ANTXR1: variants seen among roughly 807,000 people sequenced by gnomAD.
ANTXR1 encodes ANTXR cell adhesion molecule 1.
A neutral mutation model predicts 78.1 loss-of-function variants in ANTXR1; 19 were observed. The ratio of observed to expected loss-of-function variants is 0.24; its 90% CI spans 0.17 to 0.36. The LOEUF (loss-of-function observed/expected upper bound fraction) is 0.36. Ranked by LOEUF, ANTXR1 falls within the 10% of genes least tolerant of loss-of-function variation. The probability of loss-of-function intolerance (pLI) is 1.00; values close to 1 mark genes in which losing one functional copy is unlikely to be tolerated. For missense variants in ANTXR1, 518 were observed against 718.6 expected, an observed-to-expected ratio of 0.72 and a Z score of 3.19; for synonymous variants, 273 against 260.5, an observed-to-expected ratio of 1.05 and a Z score of -0.46.
chr2:69,248,261 T>C lies in ANTXR1; in HGVS notation c.*2776T>C. 6.0e-6 allele frequency: 1 copy of C among 167,102 alleles called. No homozygotes were observed. 10.4% of individuals were successfully genotyped at this position (167,102 alleles called of 1,614,324 possible). A position where few individuals can be genotyped will look rare whatever the true frequency, so the allele number is the denominator to read the frequency against. The stretch of plus-strand genomic sequence containing the variant: ...TTGTGTTGTATATATTCGTATTCCA[T>C]GTGTTAGATGGAAGCATTTCCTATC... On this transcript the variant is annotated 3_prime_UTR_variant, in exon 18 of 18. Coordinates refer to ENST00000303714, the MANE Select transcript of ANTXR1 (RefSeq NM_032208.3).
chr2:69,018,611 G>A (rs892725740), intron 1 of ANTXR1, among the ~76,000 whole-genome samples: 8 of 152,180 alleles, frequency 5.3e-5, no homozygotes. Context: ...TTGTTTGGTA[G>A]GTAGGGCGAA....
intron 16 of ANTXR1, chr2:69,182,976 A>G (rs985582884): frequency 7.3e-6 from 2 of 275,752 alleles, no homozygotes; most frequent in Admixed American, 5.9e-5. Flanking sequence ...GAAGTGTTCC[A>G]TATTAAAAAA....
At chr2:69,237,563 G>T (rs529560068) in intron 17 of ANTXR1, among the ~76,000 whole-genome samples, 1 of 152,282 alleles carries the variant, frequency 6.6e-6, no homozygotes, top group African/African-American at 2.4e-5. Flanking sequence ...AGTAGCTAGG[G>T]CTAAAGGCAC....
chr2:69,075,564 T>C (rs1466399001), intron 6 of ANTXR1, 26 bp from the exon 7 acceptor site: 8 of 1,612,498 alleles, frequency 5.0e-6, no homozygotes, highest in Non-Finnish European at 6.8e-6. Context: ...CTTCTCTTTC[T>C]AATGTCCTTT....
At chr2:69,158,196 T>C (rs973554473) in intron 13 of ANTXR1, among the ~76,000 whole-genome samples, 1 of 152,174 alleles carries the variant, frequency 6.6e-6, no homozygotes, top group Non-Finnish European at 1.5e-5. Context: ...CAAAGTTCAT[T>C]AGCAGCCAAG....
intron 10 of ANTXR1, among the ~76,000 whole-genome samples, chr2:69,109,299 A>G (rs575601548): frequency 6.6e-6 from 1 of 152,344 alleles, no homozygotes; most frequent in East Asian, 1.9e-4. Context: ...AAAGATATCA[A>G]TTGTCTTCAT....
chr2:69,146,342 G>A (rs1455046883), intron 12 of ANTXR1: 1 of 985,222 alleles, frequency 1.0e-6, no homozygotes, highest in African/African-American at 1.7e-5. Context: ...TAAAATTAAA[G>A]GCCATGTTGA....
rs117012773 is a variant in ANTXR1 at position 69,241,604 on chromosome 2, C to G, written c.1435-3621C>G. Reference sequence around the variant, plus strand: ...GAGAACAAACATAAGAGTGCAGGCTCTAGGGGCTGCTTTGTTTTTCCCTAC... The same window carrying G: ...GAGAACAAACATAAGAGTGCAGGCTGTAGGGGCTGCTTTGTTTTTCCCTAC... On this transcript the variant is annotated intron_variant, in intron 17 of 17. Transcript: ENST00000303714. 8.3e-4 allele frequency among the ~76,000 whole-genome samples: 127 copies of G among 152,258 alleles called. 1 individual carries two copies. In the East Asian group the frequency reaches 0.021, roughly 25 times the overall value.
intron 13 of ANTXR1, among the ~76,000 whole-genome samples, chr2:69,155,047 G>A (rs1418049190): frequency 1.3e-5 from 2 of 152,166 alleles, no homozygotes; most frequent in Non-Finnish European, 2.9e-5. Flanking sequence ...GTCCTGTCTG[G>A]AAGAAGAAAC....
At chr2:69,081,985 G>A (rs62135634) in intron 8 of ANTXR1, among the ~76,000 whole-genome samples, 18,667 of 152,218 alleles carry the variant, frequency 0.12, 1,274 homozygotes, top group East Asian at 0.21. Flanking sequence ...TAGTGATCCC[G>A]AATAGACTCA....
At chr2:69,227,122 T>C (rs1195780785) in intron 17 of ANTXR1, among the ~76,000 whole-genome samples, 1 of 152,244 alleles carries the variant, frequency 6.6e-6, no homozygotes, top group Non-Finnish European at 1.5e-5. Flanking sequence ...TGAGGTTGGA[T>C]AACTTCATGC....
chr2:69,090,251 A>G (rs1478518086), intron 8 of ANTXR1, among the ~76,000 whole-genome samples: 3 of 150,568 alleles, frequency 2.0e-5, no homozygotes, highest in Non-Finnish European at 4.4e-5. Flanking sequence ...ATCTAGTATC[A>G]CTCTCTTATT....
At chr2:69,024,024 T>A (rs1273773808) in intron 1 of ANTXR1, among the ~76,000 whole-genome samples, 3 of 152,252 alleles carry the variant, frequency 2.0e-5, no homozygotes, top group African/African-American at 4.8e-5. Context: ...GTCAAGCTTA[T>A]GTATGTGTTT....
chr2:69,245,497 C>G lies in ANTXR1; in HGVS notation c.*12C>G, dbSNP rs1676001918. On this transcript the variant is annotated 3_prime_UTR_variant, in exon 18 of 18. Coordinates refer to ENST00000303714, the MANE Select transcript of ANTXR1 (RefSeq NM_032208.3). ...GGCCTTCTGTCTAGAGCCCAAAGTTCCTGCTCTGGGCTCTCTCAGAAACTT... is the reference window on the plus strand; with the variant it reads ...GGCCTTCTGTCTAGAGCCCAAAGTTGCTGCTCTGGGCTCTCTCAGAAACTT... 6.2e-7 allele frequency: 1 copy of G among 1,612,684 alleles called. No homozygotes were observed. The highest frequency in any genetic ancestry group is 1.3e-5 in the African/African-American group (1 of 74,840).
In ANTXR1 at chr2:69,085,272, A is replaced by G. The variant is rs139338306; in HGVS notation, c.643-5587A>G. ...AACTACAGTTCTCTATGTTTTTCCC[A>G]AGAAAAGGGGTTGAGGCCTTTACAA... is the stretch of plus-strand genomic sequence containing the variant. On this transcript the variant is annotated intron_variant, in intron 8 of 17. Transcript: ENST00000303714. 3.2e-3 allele frequency among the ~76,000 whole-genome samples: 480 copies of G among 152,232 alleles called. 1 individual carries two copies. Among genetic ancestry groups the G allele is most frequent in the African/African-American group, 0.011 (438 of 41,534 alleles).
intron 8 of ANTXR1, 53 bp downstream of exon 8, chr2:69,077,541 A>T (rs1670772643): frequency 6.4e-7 from 1 of 1,572,676 alleles, no homozygotes; most frequent in Admixed American, 1.7e-5. Flanking sequence ...TCCGTCTCTG[A>T]TCTGCTATTA....
intron 14 of ANTXR1, among the ~76,000 whole-genome samples, chr2:69,172,111 T>C (rs761422752): frequency 6.6e-6 from 1 of 152,234 alleles, no homozygotes; most frequent in Non-Finnish European, 1.5e-5. Flanking sequence ...CATTGGCTGA[T>C]GAAAAACAAA....
At chr2:69,058,883 A>G (rs1305435340) in intron 3 of ANTXR1, among the ~76,000 whole-genome samples, 1 of 152,206 alleles carries the variant, frequency 6.6e-6, no homozygotes, top group African/African-American at 2.4e-5. Flanking sequence ...GAAGAAGTTG[A>G]TTCTAACTTT....
chr2:69,090,487 C>T (rs958840710), intron 8 of ANTXR1, among the ~76,000 whole-genome samples: 6 of 152,098 alleles, frequency 3.9e-5, no homozygotes, highest in African/African-American at 1.4e-4. Flanking sequence ...ACTCTTTCAC[C>T]CTTGCACCTA....
Sources: allele counts gnomAD v4.1 joint callset (sites outside exome capture counted in the v4.1 genomes callset), GRCh38; gene constraint gnomAD v4.1.1; transcripts MANE v1.5; gene names NCBI Gene and HGNC (gene_info 2026-07-23, HGNC 2026-07-21).